Variants in SOS2 observed in about 807,000 individuals in gnomAD.
SOS2 encodes the protein son of sevenless homolog 2.
In SOS2, 65 loss-of-function variants were observed where a neutral mutation model predicts 148.2. The ratio of observed to expected loss-of-function variants is 0.44; its 90% CI spans 0.36 to 0.54. The LOEUF (loss-of-function observed/expected upper bound fraction) is 0.54. SOS2 is among the 20% of genes least tolerant of loss of function. The pLI, the probability that SOS2 is intolerant of heterozygous loss-of-function variation, is 0.00. For missense variants in SOS2, 1,341 were observed against 1,590.2 expected (o/e 0.84, Z 2.67); for synonymous variants, 539 against 537.1 (o/e 1.00, Z -0.05).
Position 50,160,118 on chromosome 14 carries a change from C to T in SOS2, c.1197-32G>A, listed in dbSNP as rs4900992. On this transcript the variant is annotated intron_variant, in intron 9 of 22. Transcript: ENST00000216373. ...AAAACAAACAATATAGCTTATTCAA[C>T]AGCTAGCAACCCAAATGGTTTCAAG... The T allele has an allele frequency of 0.87, 1,344,879 of 1,548,262 alleles. 585,274 individuals are homozygous for T. Among genetic ancestry groups the T allele is most frequent in the East Asian group, 0.92 (40,834 of 44,338 alleles).
At chr14:50,126,066 T>C (rs1883671273) in intron 21 of SOS2, among the ~76,000 whole-genome samples, 1 of 152,182 alleles carries the variant, frequency 6.6e-6, no homozygotes, top group Non-Finnish European at 1.5e-5. Context: ...GCCATGGATA[T>C]AGATACAGCA....
chr14:50,135,066 T>G (rs35077736), intron 18 of SOS2, among the ~76,000 whole-genome samples: 64,513 of 113,820 alleles, frequency 0.57, 16,767 homozygotes, highest in East Asian at 0.69. Context: ...AGAGCGAGAC[T>G]GTCTCAAAAA....
chr14:50,153,132 T>C lies in SOS2; in HGVS notation c.2099A>G (p.Tyr700Cys), dbSNP rs765430931. ...CAATTCCAAGTCTCTTTCAAAGTCA[T>C]AAAAATGATGTTCAACCCAATGCCG... Reference protein sequence around the residue: ...VFRHWVEHHFYDFERDLELLE... With the variant: ...VFRHWVEHHFCDFERDLELLE... Residue 700 changes from tyrosine (Y) to cysteine (C), a missense_variant, in exon 13 of 23, where the codon TAT becomes TGT. Tyr to Cys is a radical substitution (Grantham distance 194). This residue lies in a region of SOS2 where 408 missense variants were observed against 506.6 expected (regional missense o/e 0.81). Coordinates refer to ENST00000216373, the MANE Select transcript of SOS2 (RefSeq NM_006939.4). 2 of 1,607,882 alleles carry C rather than the reference T, an allele frequency of 1.2e-6. No homozygotes were observed. The highest frequency in any genetic ancestry group is 8.5e-7 in the Non-Finnish European group (1 of 1,175,168).
intron 18 of SOS2, among the ~76,000 whole-genome samples, chr14:50,135,089 A>AAAAAAAAAAAAAAAAG (rs1555368583): frequency 7.6e-6 from 1 of 131,536 alleles, no homozygotes; most frequent in African/African-American, 2.9e-5. Context: ...AAAAAAAAAA[A>AAAAAAAAAAAAAAAAG]AAAGAAAGAA....
intron 7 of SOS2, among the ~76,000 whole-genome samples, chr14:50,178,711 TAC>T (rs1555371318): frequency 8.3e-6 from 1 of 120,444 alleles, no homozygotes; most frequent in Non-Finnish European, 1.6e-5. Flanking sequence ...TATATATATA[TAC>T]ACACATATAC....
chr14:50,212,252 G>T (rs1194685445), intron 1 of SOS2, among the ~76,000 whole-genome samples: 3 of 152,352 alleles, frequency 2.0e-5, no homozygotes, highest in Non-Finnish European at 4.4e-5. Context: ...AAGGCAGGCG[G>T]ATCACAAGGT....
At chr14:50,119,628 C>T (rs1883432473) in intron 22 of SOS2, among the ~76,000 whole-genome samples, 1 of 151,774 alleles carries the variant, frequency 6.6e-6, no homozygotes, top group African/African-American at 2.4e-5. Context: ...CTTCACCTCC[C>T]AGGTTCAAGT....
At chr14:50,216,659 C>T (rs527785189) in intron 1 of SOS2, among the ~76,000 whole-genome samples, 27 of 151,934 alleles carry the variant, frequency 1.8e-4, no homozygotes, top group African/African-American at 4.6e-4. Context: ...CGCTGGAACC[C>T]GGGAGGCAGA....
chr14:50,203,653 T>G (rs1286811845), intron 2 of SOS2, among the ~76,000 whole-genome samples: 1 of 152,082 alleles, frequency 6.6e-6, no homozygotes, highest in African/African-American at 2.4e-5. Context: ...TGAGCAAATG[T>G]CCTCAAAATT....
At chr14:50,126,852 C>G (rs549363074) in intron 21 of SOS2, among the ~76,000 whole-genome samples, 2 of 150,584 alleles carry the variant, frequency 1.3e-5, no homozygotes, top group African/African-American at 4.9e-5. Flanking sequence ...GAAGCATTTT[C>G]TGGAAATCGA....
At chr14:50,148,689 T>C (rs1432063824) in intron 14 of SOS2, among the ~76,000 whole-genome samples, 1 of 152,208 alleles carries the variant, frequency 6.6e-6, no homozygotes, top group African/African-American at 2.4e-5. Flanking sequence ...TTGAGTCAGA[T>C]GTTGACAACT....
chr14:50,131,599 G>A (rs1427245844), intron 19 of SOS2, among the ~76,000 whole-genome samples: 2 of 150,776 alleles, frequency 1.3e-5, no homozygotes, highest in South Asian at 4.1e-4. Context: ...GAGATACTAA[G>A]AAGGATAACA....
At chr14:50,120,723 C>G (rs913269785) in intron 21 of SOS2, among the ~76,000 whole-genome samples, 1 of 149,842 alleles carries the variant, frequency 6.7e-6, no homozygotes, top group Non-Finnish European at 1.5e-5. Flanking sequence ...GAAAGACCAT[C>G]CTAATCAGAG....
chr14:50,210,454 A>G (rs1453289393), intron 1 of SOS2, among the ~76,000 whole-genome samples: 1 of 152,196 alleles, frequency 6.6e-6, no homozygotes, highest in African/African-American at 2.4e-5. Flanking sequence ...GTAAAACTAG[A>G]TAATATCTTC....
At chr14:50,160,474 C>T (rs1029658882) in intron 9 of SOS2, among the ~76,000 whole-genome samples, 16 of 141,154 alleles carry the variant, frequency 1.1e-4, no homozygotes, top group African/African-American at 4.2e-4. Flanking sequence ...GCAACCTCCC[C>T]CTCCCAGGTT....
Position 50,150,037 on chromosome 14 carries a change from C to T in SOS2, c.2355G>A (p.Gln785=). 1 of 1,613,266 alleles carries T rather than the reference C, an allele frequency of 6.2e-7. No homozygotes were observed. Among genetic ancestry groups the T allele is most frequent in the Non-Finnish European group, 8.5e-7 (1 of 1,179,234 alleles). ...AAAGATCAGACTCCAAAAGTGTCAG[C>T]TGACGTGCAATTTCTATTGGATGAA... ...MTLHPIEIAR[Q]LTLLESDLYR... Residue 785 remains glutamine (Q), a synonymous_variant, in exon 14 of 23, where the codon CAG becomes CAA. Coordinates refer to ENST00000216373, the MANE Select transcript of SOS2 (RefSeq NM_006939.4).
At chr14:50,213,939 G>A (rs571593585) in intron 1 of SOS2, among the ~76,000 whole-genome samples, 42 of 149,882 alleles carry the variant, frequency 2.8e-4, no homozygotes, top group East Asian at 3.9e-4. Flanking sequence ...CTTACCCTCC[G>A]TGGTAGGAAG....
At chr14:50,228,857 T>C (rs896119250) in intron 1 of SOS2, among the ~76,000 whole-genome samples, 4 of 152,200 alleles carry the variant, frequency 2.6e-5, no homozygotes, top group Admixed American at 6.5e-5. Context: ...GTATGTAAAA[T>C]GTGTTCAATA....
intron 21 of SOS2, among the ~76,000 whole-genome samples, chr14:50,126,122 T>C (rs1480722149): frequency 6.6e-6 from 1 of 152,112 alleles, no homozygotes; most frequent in Non-Finnish European, 1.5e-5. Flanking sequence ...ACAGAAATAC[T>C]ACTGGACAAG....
Sources: allele counts gnomAD v4.1 joint callset (sites outside exome capture counted in the v4.1 genomes callset), GRCh38; gene constraint gnomAD v4.1.1; regional missense constraint gnomAD v4.1.1; transcripts MANE v1.5; gene names NCBI Gene and HGNC (gene_info 2026-07-23, HGNC 2026-07-21).